NRF1: variants seen among roughly 807,000 people sequenced by gnomAD.
NRF1 encodes alpha palindromic-binding protein.
In NRF1, 5 loss-of-function variants were observed where a neutral mutation model predicts 58.5. The ratio of observed to expected loss-of-function variants is 0.09; its 90% CI spans 0.04 to 0.18. The LOEUF (loss-of-function observed/expected upper bound fraction) is 0.18. NRF1 is among the 10% of genes least tolerant of loss of function. The pLI, the probability that NRF1 is intolerant of heterozygous loss-of-function variation, is 1.00. For missense variants in NRF1, 288 were observed against 657.7 expected (o/e 0.44, Z 6.15); for synonymous variants, 224 against 246.7 (o/e 0.91, Z 0.86).
intron 10 of NRF1, among the ~76,000 whole-genome samples, chr7:129,743,774 G>A (rs1394017470): frequency 2.0e-5 from 3 of 152,150 alleles, no homozygotes; most frequent in East Asian, 3.9e-4. Context: ...TTCTCTGAGC[G>A]AGCCAGTGTA....
intron 10 of NRF1, 24 bp from the exon 11 acceptor site, chr7:129,754,994 A>G (rs767594455): frequency 3.9e-6 from 6 of 1,557,802 alleles, no homozygotes; most frequent in Admixed American, 2.0e-5. Flanking sequence ...AGCCCCACCA[A>G]CGGTCTTCTC....
chr7:129,690,258 G>A (rs1312610763), intron 4 of NRF1, 148 bp from the exon 5 acceptor site: 1 of 671,170 alleles, frequency 1.5e-6, no homozygotes, highest in Non-Finnish European at 2.6e-6. Flanking sequence ...TGGGACCAGT[G>A]GGTATTTTTA....
At chr7:129,632,523 C>A (rs924930427) in intron 1 of NRF1, among the ~76,000 whole-genome samples, 1 of 151,902 alleles carries the variant, frequency 6.6e-6, no homozygotes, top group Non-Finnish European at 1.5e-5. Context: ...TTATTGGGCA[C>A]CCCTTCCCCA....
At chr7:129,694,724 G>A (rs980856519) in intron 5 of NRF1, among the ~76,000 whole-genome samples, 1 of 152,132 alleles carries the variant, frequency 6.6e-6, no homozygotes, top group Admixed American at 6.5e-5. Flanking sequence ...GGAGTAAAAG[G>A]AGGGTTTTAT....
At chr7:129,681,381 G>T (rs79755026) in intron 4 of NRF1, among the ~76,000 whole-genome samples, 5,415 of 152,250 alleles carry the variant, frequency 0.036, 305 homozygotes, top group African/African-American at 0.12. Context: ...AATACATATG[G>T]TGTGTGAACT....
At chr7:129,725,894 CAAG>C (rs548268393) in intron 9 of NRF1, among the ~76,000 whole-genome samples, 56 of 152,254 alleles carry the variant, frequency 3.7e-4, no homozygotes, top group African/African-American at 1.3e-3. Context: ...TTACAGTGAC[CAAG>C]AAGTCTTTTG....
rs73159627 is a variant in NRF1, at chr7:129,676,449, G to C, written c.339-1183G>C. Among the ~76,000 whole-genome samples the C allele has an allele frequency of 2.6e-3, 393 of 152,274 alleles. 6 individuals carry two copies. Among genetic ancestry groups the C allele is most frequent in the Admixed American group, 7.4e-3 (113 of 15,290 alleles). On this transcript the variant is annotated intron_variant, in intron 3 of 10. Transcript: ENST00000393232. Reference sequence around the variant, plus strand: ...AGAGGCCATTGTAGGGTTATCAGTTGGCCTAATTTCAATACTGTGTCTCAG... The same window carrying C: ...AGAGGCCATTGTAGGGTTATCAGTTCGCCTAATTTCAATACTGTGTCTCAG...
intron 4 of NRF1, among the ~76,000 whole-genome samples, chr7:129,680,557 T>C (rs1435780683): frequency 6.6e-6 from 1 of 152,204 alleles, no homozygotes; most frequent in Non-Finnish European, 1.5e-5. Context: ...GTTCATCGGC[T>C]GATGAATGGA....
At chr7:129,675,124 A>G (rs1231438248) in intron 3 of NRF1, among the ~76,000 whole-genome samples, 1 of 152,224 alleles carries the variant, frequency 6.6e-6, no homozygotes, top group South Asian at 2.1e-4. Flanking sequence ...ATTTCATCTC[A>G]GGAAACCGCT....
In NRF1 at chr7:129,659,331, G is replaced by A. The variant is rs769073441; in HGVS notation, c.223+1757G>A. Among the ~76,000 whole-genome samples, 135 of 152,134 alleles carry A rather than the reference G, an allele frequency of 8.9e-4. 1 individual carries two copies. Among genetic ancestry groups the A allele is most frequent in the Middle Eastern group, 3.4e-3 (1 of 294 alleles). ...TGACCTCGGGTGATCCACCCATCTC[G>A]GCCTCCCAGAGTGCTGGGATTATAG... On this transcript the variant is annotated intron_variant, in intron 2 of 10. Transcript: ENST00000393232.
intron 1 of NRF1, among the ~76,000 whole-genome samples, chr7:129,614,806 A>G (rs930136112): frequency 6.6e-6 from 1 of 152,150 alleles, no homozygotes; most frequent in Non-Finnish European, 1.5e-5. Flanking sequence ...ATTAAACGAT[A>G]ATTATGCACT....
At chr7:129,657,636 G>A (rs555810667) in intron 2 of NRF1, 62 bp downstream of exon 2, 104 of 1,032,742 alleles carry the variant, frequency 1.0e-4, no homozygotes, top group Middle Eastern at 6.5e-4. Context: ...TGGAGACAGC[G>A]TCTCACTCTG....
intron 4 of NRF1, among the ~76,000 whole-genome samples, chr7:129,680,720 A>G (rs956768071): frequency 1.3e-5 from 2 of 152,220 alleles, no homozygotes; most frequent in Admixed American, 6.5e-5. Flanking sequence ...GTATGATTCC[A>G]TTTATATGCA....
intron 2 of NRF1, among the ~76,000 whole-genome samples, chr7:129,665,257 G>A (rs1801893156): frequency 6.6e-6 from 1 of 152,192 alleles, no homozygotes; most frequent in African/African-American, 2.4e-5. Context: ...GCTGTGTGTG[G>A]TAAGGAATTT....
chr7:129,614,260 C>T (rs1302707162), intron 1 of NRF1, among the ~76,000 whole-genome samples: 3 of 152,028 alleles, frequency 2.0e-5, no homozygotes, highest in Non-Finnish European at 4.4e-5. Flanking sequence ...GGATTACAGG[C>T]GTGGGCCACC....
intron 10 of NRF1, among the ~76,000 whole-genome samples, chr7:129,754,336 G>A (rs1224790920): frequency 1.3e-5 from 2 of 151,406 alleles, no homozygotes; most frequent in South Asian, 2.1e-4. Flanking sequence ...GGTGGCACAC[G>A]CCTGTGGTTC....
intron 3 of NRF1, among the ~76,000 whole-genome samples, chr7:129,675,377 A>G (rs553008559): frequency 5.3e-5 from 8 of 152,346 alleles, no homozygotes; most frequent in African/African-American, 1.9e-4. Flanking sequence ...GTACTTGCAC[A>G]TGAATTACAA....
At chr7:129,649,189 C>T (rs1801479619) in intron 1 of NRF1, among the ~76,000 whole-genome samples, 1 of 152,074 alleles carries the variant, frequency 6.6e-6, no homozygotes, top group African/African-American at 2.4e-5. Context: ...GAGGAGCAAA[C>T]CCTATAGTTG....
chr7:129,613,617 G>A (rs1184775189), intron 1 of NRF1, among the ~76,000 whole-genome samples: 1 of 152,052 alleles, frequency 6.6e-6, no homozygotes, highest in Non-Finnish European at 1.5e-5. Context: ...ACTCTTTACG[G>A]CCGGGTGCGG....
Sources: allele counts gnomAD v4.1 joint callset (sites outside exome capture counted in the v4.1 genomes callset), GRCh38; gene constraint gnomAD v4.1.1; transcripts MANE v1.5; gene names NCBI Gene and HGNC (gene_info 2026-07-23, HGNC 2026-07-21).